The following SRCIN1 variants were observed in gnomAD, a reference collection of about 807,000 sequenced individuals.
The protein encoded by SRCIN1 is P130Cas-associated protein.
Under a neutral mutation model 116.2 loss-of-function variants are expected in SRCIN1, and 50 were observed. The observed-to-expected ratio is 0.43, with a 90% CI of 0.34 to 0.54. The LOEUF (loss-of-function observed/expected upper bound fraction) is 0.54, where lower values mean the gene tolerates loss of function less well. Ranked by LOEUF, SRCIN1 falls within the 20% of genes least tolerant of loss-of-function variation. The pLI is 0.02. For missense variants in SRCIN1, 1,446 were observed against 1,672.0 expected (o/e 0.86, Z 2.36); for synonymous variants, 736 against 750.0 (o/e 0.98, Z 0.30).
rs1165660304 is a variant in SRCIN1, at chr17:38,559,601, T to C, written c.2009A>G (p.Gln670Arg). The stretch of plus-strand genomic sequence containing the variant: ...GGGCGGTACCTGGAGCTTGCGCAAC[T>C]GCTGGAGCTGGCCGCGCAAGTCACT... Reference protein sequence around the residue: ...SASDLRGQLQQLRKLQLQNQE... With the variant: ...SASDLRGQLQRLRKLQLQNQE... The change falls in exon 10 of 19, where the codon CAG (glutamine) becomes CGG (arginine). Residue 670 changes from glutamine (Q) to arginine (R), a missense_variant. Around this residue, in one of 5 missense-constraint regions of SRCIN1, gnomAD observed 398 missense variants for 385.6 expected, o/e 1.03. Transcript: ENST00000617146. The C allele has an allele frequency of 3.1e-6, 5 of 1,601,286 alleles. No individual in the cohort carries two copies. Among genetic ancestry groups the C allele is most frequent in the Non-Finnish European group, 4.2e-6 (5 of 1,179,414 alleles).
chr17:38,561,921 G>A lies in SRCIN1; in HGVS notation c.1242C>T (p.Ala414=), dbSNP rs750369392. 2 of 1,448,494 alleles carry A rather than the reference G, an allele frequency of 1.4e-6. No individual in the cohort carries two copies. The highest frequency in any genetic ancestry group is 2.8e-5 in the South Asian group (2 of 72,508). The allele number at this position is 1,448,494 out of a possible 1,614,324, so 89.7% of individuals were successfully genotyped here. ...HEGRLSLAAA[A]GDPFAYPGAG... is the part of the protein sequence containing the mutation. The stretch of plus-strand genomic sequence containing the variant: ...CGCCCGGGTAGGCGAACGGGTCGCC[G>A]GCGGCCGCGGCCAGGCTCAGACGGC... Residue 414 remains alanine, a synonymous_variant, in exon 7 of 19, where the codon GCC becomes GCT. Coordinates refer to ENST00000617146, the MANE Select transcript of SRCIN1 (RefSeq NM_025248.3).
chr17:38,551,739 A>G (rs1485534088), intron 14 of SRCIN1, 147 bp downstream of exon 14: 2 of 1,321,490 alleles, frequency 1.5e-6, no homozygotes, highest in African/African-American at 1.4e-5. Flanking sequence ...CACCCTCATT[A>G]TGCTTCTTAG....
At chr17:38,555,573 T>C (rs781639062) in intron 11 of SRCIN1, among the ~76,000 whole-genome samples, 1 of 152,228 alleles carries the variant, frequency 6.6e-6, no homozygotes, top group African/African-American at 2.4e-5. Context: ...CCTAAGACTC[T>C]GGCATTTTAA....
At chr17:38,584,142 G>C (rs906954614) in intron 1 of SRCIN1, among the ~76,000 whole-genome samples, 1 of 152,196 alleles carries the variant, frequency 6.6e-6, no homozygotes, top group Non-Finnish European at 1.5e-5. Context: ...TGCTGGGAGA[G>C]GGATAGGGGC....
At position 38,544,453 on chromosome 17, in the gene SRCIN1, G is replaced by A. The variant is rs1361753970; in HGVS notation, c.3271-484C>T. ...GTGAGGTCTCCCTAGGGATGGGCAA[G>A]CTTGGCTCCCATGAACCTCCCCAAG... On this transcript the variant is annotated intron_variant, in intron 17 of 18. Coordinates refer to ENST00000617146, the MANE Select transcript of SRCIN1 (RefSeq NM_025248.3). This position sits in a 1 kb window ranked among gnomAD's most constrained non-coding sequence, Gnocchi z 4.5. The A allele has an allele frequency of 1.3e-5, 2 of 153,968 alleles. No individual in the cohort carries two copies. The highest frequency in any genetic ancestry group is 4.8e-5 in the African/African-American group (2 of 41,538). The allele number at this position is 153,968 out of a possible 1,614,324, so 9.5% of individuals were successfully genotyped here.
At chr17:38,555,227 T>C (rs1905706681) in intron 11 of SRCIN1, among the ~76,000 whole-genome samples, 2 of 152,180 alleles carry the variant, frequency 1.3e-5, no homozygotes, top group African/African-American at 4.8e-5. Flanking sequence ...CTTGCAATGA[T>C]AAGTGGCCAT....
Position 38,552,666 on chromosome 17 carries a change from G to A in SRCIN1, c.2332+59C>T. 1 of 1,613,088 alleles carries A rather than the reference G, an allele frequency of 6.2e-7. No homozygotes were observed. The highest frequency in any genetic ancestry group is 8.5e-7 in the Non-Finnish European group (1 of 1,179,754). ...GACTGGGAGGAGAGGATGGTGGCTG[G>A]AGTATGGCAGACTTCCCCACCCTGA... On this transcript the variant is annotated intron_variant, in intron 12 of 18. Coordinates refer to ENST00000617146, the MANE Select transcript of SRCIN1 (RefSeq NM_025248.3). This position sits in a 1 kb window ranked among gnomAD's most constrained non-coding sequence, Gnocchi z 5.3.
At position 38,604,646 on chromosome 17, in the gene SRCIN1, G is replaced by T. The variant is rs1465926905; in HGVS notation, c.22+1038C>A. On this transcript the variant is annotated intron_variant, in intron 1 of 18. Transcript: ENST00000617146. This position sits in a 1 kb window ranked among gnomAD's most constrained non-coding sequence, Gnocchi z 4.3. Reference sequence around the variant, plus strand: ...GGGACGAGCACCAGCAGCCGCACACGCCCCGCCGGGCCCTGACAGCTGAGC... The same window carrying T: ...GGGACGAGCACCAGCAGCCGCACACTCCCCGCCGGGCCCTGACAGCTGAGC... 2.5e-6 allele frequency: 1 copy of T among 404,760 alleles called. No individual in the cohort carries two copies. The highest frequency in any genetic ancestry group is 4.9e-6 in the Non-Finnish European group (1 of 202,326). The allele number at this position is 404,760 out of a possible 1,614,324, so 25.1% of individuals were successfully genotyped here. A position where few individuals can be genotyped will look rare whatever the true frequency, so the allele number is the denominator to read the frequency against.
chr17:38,561,331 A>G, intron 7 of SRCIN1, 132 bp downstream of exon 7: 1 of 1,132,860 alleles, frequency 8.8e-7, no homozygotes, highest in Non-Finnish European at 1.2e-6. Flanking sequence ...CGACCCTTCA[A>G]GACTACTCAA....
chr17:38,564,450 T>C, intron 3 of SRCIN1, 137 bp from the exon 4 acceptor site: 1 of 937,960 alleles, frequency 1.1e-6, no homozygotes, highest in Non-Finnish European at 1.5e-6. Context: ...CCCACACAGA[T>C]TACAGACTCC....
rs2143187888 is a variant in SRCIN1, at chr17:38,562,055, C to T, written c.1108G>A (p.Glu370Lys). Reference sequence around the variant, plus strand: ...TCGTCCGGCTTCACGTCGCGCCGCTCCAGGATGGCGCTGGGGCTGGGGCTG... The same window carrying T: ...TCGTCCGGCTTCACGTCGCGCCGCTTCAGGATGGCGCTGGGGCTGGGGCTG... ...GVSPSPSAIL[E>K]RRDVKPDEDL... Residue 370 changes from glutamate (E) to lysine (K), a missense_variant, in exon 7 of 19, where the codon GAG becomes AAG. Physicochemically the swap from Glu to Lys is moderately conservative, Grantham distance 56. Around this residue, in one of 5 missense-constraint regions of SRCIN1, gnomAD observed 239 missense variants for 317.7 expected, o/e 0.75. Coordinates refer to ENST00000617146, the MANE Select transcript of SRCIN1 (RefSeq NM_025248.3). The surrounding 1 kb of genome is among the most constrained non-coding windows in gnomAD (Gnocchi z 4.2). 6.7e-7 allele frequency: 1 copy of T among 1,489,234 alleles called. No homozygotes were observed. Among genetic ancestry groups the T allele is most frequent in the Middle Eastern group, 2.1e-4 (1 of 4,736 alleles). The allele number at this position is 1,489,234 out of a possible 1,614,324, so 92.3% of individuals were successfully genotyped here.
chr17:38,563,062 C>A lies in SRCIN1; in HGVS notation c.741-142G>T. 1.2e-6 allele frequency: 1 copy of A among 809,328 alleles called. No individual in the cohort carries two copies. Among genetic ancestry groups the A allele is most frequent in the South Asian group, 1.6e-5 (1 of 60,836 alleles). The allele number at this position is 809,328 out of a possible 1,614,324, so 50.1% of individuals were successfully genotyped here. On this transcript the variant is annotated intron_variant, in intron 5 of 18. Coordinates refer to ENST00000617146, the MANE Select transcript of SRCIN1 (RefSeq NM_025248.3). This position sits in a 1 kb window ranked among gnomAD's most constrained non-coding sequence, Gnocchi z 5.8. Reference sequence around the variant, plus strand: ...TCAGGCTGCCTGCACACACGCCCAGCAGCCTCCACCCCGGCCTCTTCCTGG... The same window carrying A: ...TCAGGCTGCCTGCACACACGCCCAGAAGCCTCCACCCCGGCCTCTTCCTGG...
At chr17:38,547,356 T>C (rs912935273) in intron 17 of SRCIN1, among the ~76,000 whole-genome samples, 10 of 152,102 alleles carry the variant, frequency 6.6e-5, no homozygotes, top group Admixed American at 5.2e-4. Context: ...AGGTCAGATT[T>C]TGAGCTGGAT....
chr17:38,540,078 G>A (rs924519803), intron 18 of SRCIN1, among the ~76,000 whole-genome samples: 39 of 149,848 alleles, frequency 2.6e-4, no homozygotes, highest in African/African-American at 9.4e-4. Context: ...AAGATAAGCA[G>A]TTGTTCAGCA....
chr17:38,599,055 C>T (rs1009743393), intron 1 of SRCIN1, among the ~76,000 whole-genome samples: 6 of 151,882 alleles, frequency 4.0e-5, no homozygotes, highest in Admixed American at 2.0e-4. Context: ...GGGCCAAATC[C>T]CCATTTTTTT....
Position 38,561,978 on chromosome 17 carries a change from G to A in SRCIN1, c.1185C>T (p.Leu395=). The A allele has an allele frequency of 6.7e-7, 1 of 1,491,818 alleles. No individual in the cohort carries two copies. The highest frequency in any genetic ancestry group is 8.9e-7 in the Non-Finnish European group (1 of 1,129,328). The allele number at this position is 1,491,818 out of a possible 1,614,324, so 92.4% of individuals were successfully genotyped here. A position where few individuals can be genotyped will look rare whatever the true frequency, so the allele number is the denominator to read the frequency against. ...GGMVLVKGEG[L]YADPYGLLHE... ...GCAGCAGCCCGTAGGGGTCAGCATAGAGGCCCTCGCCTTTCACCAGCACCA... is the reference window on the plus strand; with the variant it reads ...GCAGCAGCCCGTAGGGGTCAGCATAAAGGCCCTCGCCTTTCACCAGCACCA... The change falls in exon 7 of 19, where the codon CTC becomes CTT. Residue 395 remains leucine (L), a synonymous_variant. Transcript: ENST00000617146.
At chr17:38,567,525 C>T (rs1054282380) in intron 3 of SRCIN1, among the ~76,000 whole-genome samples, 5 of 152,162 alleles carry the variant, frequency 3.3e-5, no homozygotes, top group African/African-American at 1.2e-4. Context: ...ATGCCTCCCA[C>T]CCGCTGTCAT....
chr17:38,587,736 G>A (rs904894267), intron 1 of SRCIN1, among the ~76,000 whole-genome samples: 1 of 152,126 alleles, frequency 6.6e-6, no homozygotes, highest in East Asian at 1.9e-4. Flanking sequence ...GCAGCAGCCC[G>A]GCCGACAGGG....
At position 38,543,860 on chromosome 17, in the gene SRCIN1, T is replaced by C. The variant is rs768652128; in HGVS notation, c.3380A>G (p.Gln1127Arg). ...CTGGATCCGCATGTACTCGGCCCTC[T>C]GCTTGCCATGTTTGCTTTTGTCGGG... Reference protein sequence around the residue: ...GSPDKSKHGKQRAEYMRIQAQ... With the variant: ...GSPDKSKHGKRRAEYMRIQAQ... Residue 1127 changes from glutamine to arginine, a missense_variant, in exon 18 of 19, where the codon CAG becomes CGG. Physicochemically the swap from Gln to Arg is conservative, Grantham distance 43 (BLOSUM62 1). This residue lies in a region of SRCIN1 where 531 missense variants were observed against 633.9 expected (regional missense o/e 0.84). Transcript: ENST00000617146. 7 of 1,608,090 alleles carry C rather than the reference T, an allele frequency of 4.4e-6. No individual in the cohort carries two copies. The highest frequency in any genetic ancestry group is 1.6e-4 in the Middle Eastern group (1 of 6,076).
Sources: gnomAD v4.1 joint callset for allele counts (sites outside exome capture counted in the v4.1 genomes callset) on GRCh38, gnomAD v4.1.1 for gene constraint, gnomAD v4.1.1 regional missense constraint, Gnocchi (gnomAD v3.1) non-coding constraint, MANE v1.5 for transcripts, NCBI Gene and HGNC (gene_info 2026-07-23, HGNC 2026-07-21) for gene names.